FGF1: variants seen among roughly 807,000 people sequenced by gnomAD.
The protein encoded by FGF1 is fibroblast growth factor 1.
FGF1 carries 9 observed loss-of-function variants against 13.4 expected under a neutral mutation model. That is an observed-to-expected ratio of 0.67 (90% CI 0.40 to 1.17). The LOEUF is 1.17. FGF1 is among the 50% of genes most tolerant of loss of function. The probability of loss-of-function intolerance (pLI) is 0.01; values close to 1 mark genes in which losing one functional copy is unlikely to be tolerated. For missense variants in FGF1, 156 were observed against 192.7 expected, an observed-to-expected ratio of 0.81 and a Z score of 1.13; for synonymous variants, 93 against 79.0, an observed-to-expected ratio of 1.18 and a Z score of -0.94.
chr5:142,621,990 A>C (rs1308323028), intron 1 of FGF1, among the ~76,000 whole-genome samples: 3 of 152,230 alleles, frequency 2.0e-5, no homozygotes, highest in African/African-American at 7.2e-5. Flanking sequence ...AGGACCATTT[A>C]ACATTTCTTC....
rs1431382676 is a variant in FGF1, at chr5:142,614,166, A to G, written c.-34-5T>C. ...CTGCTTGTGGCGCTTTCAAGACTGT[A>G]AGAAATTGAACAAACCTGTAGTCGG... is the stretch of plus-strand genomic sequence containing the variant. On this transcript the variant is annotated splice_polypyrimidine_tract_variant and splice_region_variant and intron_variant, in intron 1 of 3. Coordinates refer to ENST00000337706, the MANE Select transcript of FGF1 (RefSeq NM_000800.5). 2 of 1,610,792 alleles carry G rather than the reference A, an allele frequency of 1.2e-6. No individual in the cohort carries two copies. Among genetic ancestry groups the G allele is most frequent in the East Asian group, 2.2e-5 (1 of 44,864 alleles).
chr5:142,605,202 G>A (rs1219496624), intron 2 of FGF1, among the ~76,000 whole-genome samples: 1 of 151,432 alleles, frequency 6.6e-6, no homozygotes, highest in African/African-American at 2.4e-5. Flanking sequence ...CCACCTCCCA[G>A]TTCAAGCGAT....
chr5:142,592,804 T>TG lies in FGF1; in HGVS notation c.*2485dup, dbSNP rs17224024. ...ATTTTGATAGGGGTTTATTTTATGC[T>TG]GGGGTTGCTGATTCTTCCAAAATCT... On this transcript the variant is annotated 3_prime_UTR_variant, in exon 4 of 4. Coordinates refer to ENST00000337706, the MANE Select transcript of FGF1 (RefSeq NM_000800.5). 101,037 of 186,052 alleles carry TG rather than the reference T, an allele frequency of 0.54. 30,129 individuals are homozygous for TG. The highest frequency in any genetic ancestry group is 0.82 in the African/African-American group (35,308 of 42,932). The allele number at this position is 186,052 out of a possible 1,614,324, so 11.5% of individuals were successfully genotyped here. A position where few individuals can be genotyped will look rare whatever the true frequency, so the allele number is the denominator to read the frequency against.
intron 1 of FGF1, among the ~76,000 whole-genome samples, chr5:142,656,550 A>G (rs1048050724): frequency 2.6e-5 from 4 of 152,258 alleles, no homozygotes; most frequent in Admixed American, 6.5e-5. Flanking sequence ...AATTTGTCCT[A>G]TAGAAGGACT....
intron 1 of FGF1, among the ~76,000 whole-genome samples, chr5:142,632,364 T>C (rs1763511429): frequency 1.3e-5 from 2 of 152,156 alleles, no homozygotes; most frequent in Non-Finnish European, 2.9e-5. Flanking sequence ...CTCTGCAGTG[T>C]TGTTCAAAGA....
intron 1 of FGF1, among the ~76,000 whole-genome samples, chr5:142,630,052 C>T (rs1024469575): frequency 2.6e-5 from 4 of 151,950 alleles, no homozygotes; most frequent in African/African-American, 9.7e-5. Context: ...CGCCACCACT[C>T]CCAGCTAATT....
At position 142,673,715 on chromosome 5, in the gene FGF1, C is replaced by A. The variant is rs889306422; in HGVS notation, c.-35+12242G>T. On this transcript the variant is annotated intron_variant, in intron 1 of 3. Transcript: ENST00000337706. ...GGTAGCCCCCTAAATCATGTCCCTG[C>A]CTTTCCTTCACCCCACTTAGGGTGA... is the stretch of plus-strand genomic sequence containing the variant. Among the ~76,000 whole-genome samples, 7 of 152,312 alleles carry A rather than the reference C, an allele frequency of 4.6e-5. No homozygotes were observed. In the South Asian group the frequency reaches 1.0e-3, roughly 23 times the overall value.
chr5:142,684,273 T>C (rs543857052), intron 1 of FGF1, among the ~76,000 whole-genome samples: 1 of 152,342 alleles, frequency 6.6e-6, no homozygotes, highest in Admixed American at 6.5e-5. Context: ...CTCCACTGAA[T>C]GTTATCATCA....
chr5:142,637,127 G>A (rs940338649), intron 1 of FGF1, among the ~76,000 whole-genome samples: 2 of 151,900 alleles, frequency 1.3e-5, no homozygotes, highest in African/African-American at 4.9e-5. Flanking sequence ...GAGTATGTCA[G>A]CCCAGCGGCC....
chr5:142,663,761 A>G lies in FGF1; in HGVS notation c.-35+22196T>C, dbSNP rs17099180. On this transcript the variant is annotated intron_variant, in intron 1 of 3. Transcript: ENST00000337706. ...CCAGATTTCCATCTTAACATGCAGG[A>G]ATTCTAGAAAACCATTAGCGATTTG... 0.012 allele frequency among the ~76,000 whole-genome samples: 1,761 copies of G among 152,262 alleles called. 131 individuals are homozygous for G. The East Asian group carries it at 0.21, about 18-fold the overall frequency.
chr5:142,616,555 C>G (rs1171568104), intron 1 of FGF1, among the ~76,000 whole-genome samples: 1 of 152,162 alleles, frequency 6.6e-6, no homozygotes, highest in African/African-American at 2.4e-5. Flanking sequence ...AGTACAATCT[C>G]TCTCCATCCT....
intron 1 of FGF1, among the ~76,000 whole-genome samples, chr5:142,635,054 C>T (rs1331310505): frequency 6.6e-6 from 1 of 152,002 alleles, no homozygotes; most frequent in Non-Finnish European, 1.5e-5. Flanking sequence ...ATTTAAGTAT[C>T]GGAAAGGCAG....
At chr5:142,602,579 G>A (rs908711770) in intron 2 of FGF1, among the ~76,000 whole-genome samples, 1 of 152,176 alleles carries the variant, frequency 6.6e-6, no homozygotes, top group African/African-American at 2.4e-5. Flanking sequence ...CACATCTCCT[G>A]GGGGGATGCA....
At chr5:142,675,586 T>C (rs752716296) in intron 1 of FGF1, among the ~76,000 whole-genome samples, 4 of 152,200 alleles carry the variant, frequency 2.6e-5, no homozygotes, top group Non-Finnish European at 4.4e-5. Flanking sequence ...GAGACAGCTA[T>C]GCTGAGAGCT....
At chr5:142,600,567 G>T in intron 3 of FGF1, 135 bp downstream of exon 3, 2 of 690,336 alleles carry the variant, frequency 2.9e-6, no homozygotes, top group Non-Finnish European at 2.6e-6. Context: ...AGCAGAGTGA[G>T]GGTGGGAATC....
intron 1 of FGF1, among the ~76,000 whole-genome samples, chr5:142,632,595 A>T (rs1763541012): frequency 6.6e-6 from 1 of 152,242 alleles, no homozygotes. Flanking sequence ...ATTGTCCATG[A>T]TCATATCTGC....
At chr5:142,642,776 G>T (rs1765403970) in intron 1 of FGF1, among the ~76,000 whole-genome samples, 2 of 152,224 alleles carry the variant, frequency 1.3e-5, no homozygotes, top group Non-Finnish European at 2.9e-5. Context: ...AATATGTTTG[G>T]CTGGGAGATG....
At chr5:142,680,623 G>A (rs1351000645) in intron 1 of FGF1, 3 of 152,178 alleles carry the variant, frequency 2.0e-5, no homozygotes, top group Admixed American at 1.3e-4. Flanking sequence ...ACTAGCCCAA[G>A]CATAGGGCTT....
At chr5:142,681,863 C>T (rs188538720) in intron 1 of FGF1, among the ~76,000 whole-genome samples, 58 of 152,284 alleles carry the variant, frequency 3.8e-4, no homozygotes, top group Non-Finnish European at 7.1e-4. Context: ...TGAGGTGATA[C>T]ACTTACAGCC....
Sources: allele counts gnomAD v4.1 joint callset (sites outside exome capture counted in the v4.1 genomes callset), GRCh38; gene constraint gnomAD v4.1.1; transcripts MANE v1.5; gene names NCBI Gene and HGNC (gene_info 2026-07-23, HGNC 2026-07-21).